COL4A1: variants seen among roughly 807,000 people sequenced by gnomAD.
COL4A1 encodes the protein collagen type IV alpha 1 chain.
COL4A1 carries 40 observed loss-of-function variants against 216.6 expected under a neutral mutation model. The ratio of observed to expected loss-of-function variants is 0.18; its 90% CI spans 0.14 to 0.24. COL4A1 has a LOEUF of 0.24. Among genes scored for constraint, COL4A1 ranks in the 10% least tolerant of loss-of-function variants. COL4A1 has a pLI of 1.00. For missense variants in COL4A1, 1,628 were observed against 2,196.8 expected (o/e 0.74, Z 5.18); for synonymous variants, 839 against 810.7 (o/e 1.03, Z -0.59).
chr13:110,149,806 C>A lies in COL4A1; in HGVS notation c.*557G>T. Reference sequence around the variant, plus strand: ...TTCTGCAAAAGCAGCTGCAAAGTACCACACATAGCAGAAAGACAGAAATTT... The same window carrying A: ...TTCTGCAAAAGCAGCTGCAAAGTACAACACATAGCAGAAAGACAGAAATTT... On this transcript the variant is annotated 3_prime_UTR_variant, in exon 52 of 52. Transcript: ENST00000375820. The A allele has an allele frequency of 6.3e-6, 1 of 158,818 alleles. No individual in the cohort carries two copies. Among genetic ancestry groups the A allele is most frequent in the Admixed American group, 5.9e-5 (1 of 16,848 alleles). The allele number at this position is 158,818 out of a possible 1,614,324, so 9.8% of individuals were successfully genotyped here. A position where few individuals can be genotyped will look rare whatever the true frequency, so the allele number is the denominator to read the frequency against.
intron 2 of COL4A1, among the ~76,000 whole-genome samples, chr13:110,240,505 C>T (rs1881515935): frequency 2.0e-5 from 3 of 152,262 alleles, no homozygotes; most frequent in Admixed American, 2.0e-4. Context: ...CACTTCTCTG[C>T]CTTCCTGTCC....
intron 5 of COL4A1, 42 bp from the exon 6 acceptor site, chr13:110,212,521 G>T: frequency 6.2e-7 from 1 of 1,614,134 alleles, no homozygotes; most frequent in South Asian, 1.1e-5. Flanking sequence ...GCAGAAAATC[G>T]CCTGATGGAA....
At chr13:110,252,252 G>A (rs989302509) in intron 1 of COL4A1, among the ~76,000 whole-genome samples, 1 of 151,734 alleles carries the variant, frequency 6.6e-6, no homozygotes, top group Non-Finnish European at 1.5e-5. Context: ...TCGAACTCCT[G>A]ACCTCAGGTG....
At chr13:110,249,613 C>A (rs1451333429) in intron 1 of COL4A1, among the ~76,000 whole-genome samples, 1 of 152,230 alleles carries the variant, frequency 6.6e-6, no homozygotes, top group South Asian at 2.1e-4. Context: ...AAGAGGACTC[C>A]AGGGACTTCG....
Position 110,169,615 on chromosome 13 carries a change from A to T in COL4A1, c.3876+14T>A. 6.2e-7 allele frequency: 1 copy of T among 1,613,774 alleles called. No individual in the cohort carries two copies. Among genetic ancestry groups the T allele is most frequent in the Non-Finnish European group, 8.5e-7 (1 of 1,179,966 alleles). On this transcript the variant is annotated intron_variant, in intron 43 of 51. Transcript: ENST00000375820. ...ACTCCTTTAAAAATAAAAATCTACA[A>T]ATCAATAACTCACAGGCATGCCCTG... is the stretch of plus-strand genomic sequence containing the variant.
chr13:110,198,899 T>C (rs1879031818), intron 20 of COL4A1, among the ~76,000 whole-genome samples: 2 of 152,244 alleles, frequency 1.3e-5, no homozygotes, highest in Admixed American at 1.3e-4. Context: ...GTGCAAATAG[T>C]ATTCCCAACA....
chr13:110,180,551 C>T (rs1451482664), intron 29 of COL4A1, among the ~76,000 whole-genome samples: 1 of 152,244 alleles, frequency 6.6e-6, no homozygotes, highest in Non-Finnish European at 1.5e-5. Flanking sequence ...CCCTTTCTCC[C>T]GTTTGGTACC....
chr13:110,306,399 G>A (rs930713909), intron 1 of COL4A1, among the ~76,000 whole-genome samples: 1 of 152,214 alleles, frequency 6.6e-6, no homozygotes, highest in Admixed American at 6.5e-5. Context: ...CAGCAGTCGT[G>A]GGAAAGCTCA....
chr13:110,227,628 T>A (rs7324289), intron 2 of COL4A1, among the ~76,000 whole-genome samples: 99,657 of 151,928 alleles, frequency 0.66, 33,165 homozygotes, highest in East Asian at 0.89. Context: ...CAGTCAGCCA[T>A]GCACCCTGAA....
chr13:110,179,127 G>A (rs577975549), intron 30 of COL4A1, 91 bp from the exon 31 acceptor site: 26 of 1,532,348 alleles, frequency 1.7e-5, no homozygotes, highest in East Asian at 6.8e-5. Flanking sequence ...CCCCAGCAAC[G>A]GAAAGCCACG....
At chr13:110,229,836 G>A (rs1880934783) in intron 2 of COL4A1, among the ~76,000 whole-genome samples, 1 of 152,144 alleles carries the variant, frequency 6.6e-6, no homozygotes, top group Admixed American at 6.5e-5. Context: ...GAGACTAAGA[G>A]GAAAAGAAAA....
chr13:110,298,510 C>G (rs1884364257), intron 1 of COL4A1: 1 of 152,204 alleles, frequency 6.6e-6, no homozygotes, highest in South Asian at 2.1e-4. Flanking sequence ...GGTATTTTCC[C>G]CCATCACTGA....
intron 1 of COL4A1, among the ~76,000 whole-genome samples, chr13:110,286,741 C>T (rs546282347): frequency 2.6e-5 from 4 of 152,214 alleles, no homozygotes; most frequent in Non-Finnish European, 5.9e-5. Flanking sequence ...CGCAGAGAGG[C>T]AGCTTGCATT....
At chr13:110,256,743 G>GC (rs1036065885) in intron 1 of COL4A1, among the ~76,000 whole-genome samples, 1 of 143,532 alleles carries the variant, frequency 7.0e-6, no homozygotes, top group Non-Finnish European at 1.6e-5. Context: ...CAGACCGGCG[G>GC]CGGGGGGGTC....
intron 1 of COL4A1, among the ~76,000 whole-genome samples, chr13:110,267,050 G>A (rs747156626): frequency 3.9e-4 from 60 of 152,222 alleles, no homozygotes; most frequent in Admixed American, 2.7e-3. Context: ...AAGGGCAAAT[G>A]TGAAGCAAGC....
intron 1 of COL4A1, among the ~76,000 whole-genome samples, chr13:110,269,648 A>G (rs668149): frequency 0.83 from 126,406 of 151,906 alleles, 52,756 homozygotes; most frequent in East Asian, 0.99. Context: ...TGTGTCCAGC[A>G]CAGGTGACAT....
At chr13:110,179,082 G>A (rs746200949) in intron 30 of COL4A1, 46 bp from the exon 31 acceptor site, 25 of 1,575,170 alleles carry the variant, frequency 1.6e-5, no homozygotes, top group South Asian at 6.7e-5. Context: ...GCAGTGGCAC[G>A]TCTCCCGGCC....
chr13:110,192,841 G>C lies in COL4A1; in HGVS notation c.1454C>G (p.Pro485Arg), dbSNP rs142177702. 1 of 1,613,586 alleles carries C rather than the reference G, an allele frequency of 6.2e-7. No individual in the cohort carries two copies. The highest frequency in any genetic ancestry group is 1.1e-5 in the South Asian group (1 of 91,060). ...YRGPPGPQGPPGEIGFPGQPG... is the reference protein window; with the variant it reads ...YRGPPGPQGPRGEIGFPGQPG... ...CATGTGGGTCTTACCTATTTCTCCC[G>C]GGGGTCCCTGTGGCCCGGGAGGCCC... The change falls in exon 23 of 52, where the codon CCG (proline) becomes CGG (arginine). Residue 485 changes from proline to arginine, a missense_variant. Coordinates refer to ENST00000375820, the MANE Select transcript of COL4A1 (RefSeq NM_001845.6).
rs188375520 is a variant in COL4A1, at chr13:110,211,461, C to G, written c.468+186G>C. On this transcript the variant is annotated intron_variant, in intron 8 of 51. Coordinates refer to ENST00000375820, the MANE Select transcript of COL4A1 (RefSeq NM_001845.6). The surrounding 1 kb of genome is among the most constrained non-coding windows in gnomAD (Gnocchi z 4.3). ...TAAGAAGCTGTGCCAAGTGTCTGAA[C>G]GTTAGAGTCTGAGATCTGAGTTTGT... Among the ~76,000 whole-genome samples the G allele has an allele frequency of 2.3e-3, 349 of 152,282 alleles. 1 individual carries two copies. The highest frequency in any genetic ancestry group is 3.4e-3 in the Middle Eastern group (1 of 294).
Sources: gnomAD v4.1 joint callset for allele counts (sites outside exome capture counted in the v4.1 genomes callset) on GRCh38, gnomAD v4.1.1 for gene constraint, Gnocchi (gnomAD v3.1) non-coding constraint, MANE v1.5 for transcripts, NCBI Gene and HGNC (gene_info 2026-07-23, HGNC 2026-07-21) for gene names.